Variants in TOM1L2 observed in about 807,000 individuals in gnomAD.
TOM1L2 encodes the protein target of myb1 like 2 membrane trafficking protein.
A neutral mutation model predicts 67.9 loss-of-function variants in TOM1L2; 31 were observed. That is an observed-to-expected ratio of 0.46 (90% confidence interval 0.34 to 0.62). The LOEUF (loss-of-function observed/expected upper bound fraction) is 0.62, where lower values mean the gene tolerates loss of function less well. Ranked by LOEUF, TOM1L2 falls within the 20% of genes least tolerant of loss-of-function variation. The pLI is 0.01. For synonymous variants in TOM1L2, 256 were observed against 254.0 expected (o/e 1.01, Z -0.07); for missense variants, 606 against 663.5 (o/e 0.91, Z 0.95).
At chr17:17,888,822 T>G (rs1439107829) in intron 4 of TOM1L2, among the ~76,000 whole-genome samples, 5 of 152,070 alleles carry the variant, frequency 3.3e-5, no homozygotes, top group Non-Finnish European at 7.4e-5. Flanking sequence ...TGGCATAGAG[T>G]GGGAGCATCC....
intron 12 of TOM1L2, chr17:17,857,704 A>G: frequency 7.3e-7 from 1 of 1,368,132 alleles, no homozygotes; most frequent in Non-Finnish European, 1.0e-6. Flanking sequence ...AGAGGAAGAC[A>G]TGAGCTGTTA....
intron 10 of TOM1L2, chr17:17,863,270 C>A (rs114088267): frequency 5.8e-4 from 98 of 168,630 alleles, no homozygotes; most frequent in African/African-American, 2.2e-3. Flanking sequence ...CTTGAGTAGA[C>A]CAAATTGAAT....
At position 17,882,838 on chromosome 17, in the gene TOM1L2, G is replaced by A. The variant is rs776451196; in HGVS notation, c.527C>T (p.Ala176Val). ...CTGTGATTGGGACCTGGGCATGGTC[G>A]CAGCTGGATCCACTTCAGGGACACT... is the stretch of plus-strand genomic sequence containing the variant. ...QRSVPEVDPA[A>V]TMPRSQSQQR... The change falls in exon 6 of 15, where the codon GCG (alanine) becomes GTG (valine). Residue 176 changes from alanine (A) to valine (V), a missense_variant. Coordinates refer to ENST00000379504, the MANE Select transcript of TOM1L2 (RefSeq NM_001082968.2). 15 of 1,614,042 alleles carry A rather than the reference G, an allele frequency of 9.3e-6. No homozygotes were observed. The highest frequency in any genetic ancestry group is 6.7e-5 in the Admixed American group (4 of 60,008).
At chr17:17,855,838 C>T (rs906815261) in intron 12 of TOM1L2, among the ~76,000 whole-genome samples, 1 of 152,148 alleles carries the variant, frequency 6.6e-6, no homozygotes, top group Non-Finnish European at 1.5e-5. Flanking sequence ...AGTCTAAAAG[C>T]CTTTGATCTC....
intron 10 of TOM1L2, among the ~76,000 whole-genome samples, chr17:17,865,430 G>A (rs960541466): frequency 6.6e-6 from 1 of 152,146 alleles, no homozygotes; most frequent in Non-Finnish European, 1.5e-5. Context: ...AGGCTGGAGT[G>A]CAATGGCGCG....
rs886209868 is a variant in TOM1L2 at position 17,847,639 on chromosome 17, A to G, written c.1520T>C (p.Leu507Pro). The change falls in exon 15 of 15, where the codon CTG becomes CCG. Residue 507 changes from leucine to proline, a missense_variant. Leu to Pro is a moderately conservative substitution (Grantham distance 98). Around this residue, in one of 2 missense-constraint regions of TOM1L2, gnomAD observed 543 missense variants for 554.0 expected, o/e 0.98. Transcript: ENST00000379504. The stretch of plus-strand genomic sequence containing the variant: ...GGAGGCAAACCACAGAGCTGCTCAC[A>G]GGGCGAAGAGGGCATCCTCTGACCG... ...PERSEDALFA[L>P] is the part of the protein sequence containing the mutation. The G allele has an allele frequency of 1.9e-6, 3 of 1,608,318 alleles. No homozygotes were observed. Among genetic ancestry groups the G allele is most frequent in the African/African-American group, 1.3e-5 (1 of 74,784 alleles).
intron 10 of TOM1L2, 117 bp downstream of exon 10, chr17:17,866,179 C>T: frequency 7.9e-7 from 1 of 1,261,028 alleles, no homozygotes. Context: ...AATACACTTT[C>T]ACATGTATTT....
intron 4 of TOM1L2, among the ~76,000 whole-genome samples, chr17:17,891,776 C>T (rs1446330323): frequency 6.9e-6 from 1 of 144,116 alleles, no homozygotes; most frequent in Non-Finnish European, 1.5e-5. Context: ...AGGTAAAGTG[C>T]ATGCACACGT....
chr17:17,956,479 T>TC (rs2041452793), intron 1 of TOM1L2, among the ~76,000 whole-genome samples: 1 of 152,194 alleles, frequency 6.6e-6, no homozygotes, highest in Non-Finnish European at 1.5e-5. Context: ...TGCCTGCCAG[T>TC]CCCTGGCAGT....
chr17:17,971,210 C>A (rs1469553220), intron 1 of TOM1L2, among the ~76,000 whole-genome samples: 1 of 152,124 alleles, frequency 6.6e-6, no homozygotes, highest in Non-Finnish European at 1.5e-5. Context: ...AGTCAATGTG[C>A]AGAGTACTAC....
intron 3 of TOM1L2, among the ~76,000 whole-genome samples, chr17:17,896,394 A>T (rs2144262340): frequency 6.6e-6 from 1 of 152,110 alleles, no homozygotes; most frequent in East Asian, 1.9e-4. Context: ...CTGGGGCTCC[A>T]CTCCACTCTC....
intron 10 of TOM1L2, among the ~76,000 whole-genome samples, chr17:17,866,091 A>G (rs2036834058): frequency 6.6e-6 from 1 of 152,100 alleles, no homozygotes. Context: ...GCTTTCCAAC[A>G]TAGATTTTAA....
chr17:17,930,865 C>G (rs901209121), intron 1 of TOM1L2, among the ~76,000 whole-genome samples: 7 of 152,190 alleles, frequency 4.6e-5, no homozygotes, highest in African/African-American at 1.7e-4. Context: ...TGAGTTTCCA[C>G]AGTCCTTCCT....
intron 10 of TOM1L2, chr17:17,863,385 G>T: frequency 6.4e-6 from 1 of 155,076 alleles, no homozygotes; most frequent in Non-Finnish European, 1.5e-5. Context: ...CACAACAGTG[G>T]GTCTGTAAGG....
intron 7 of TOM1L2, among the ~76,000 whole-genome samples, chr17:17,870,211 C>T (rs1267150772): frequency 6.6e-6 from 1 of 152,138 alleles, no homozygotes; most frequent in Non-Finnish European, 1.5e-5. Context: ...AGAGGAAATT[C>T]GCACACCCCC....
chr17:17,867,019 C>G, intron 8 of TOM1L2, 95 bp from the exon 9 acceptor site: 2 of 1,165,426 alleles, frequency 1.7e-6, no homozygotes, highest in South Asian at 1.2e-5. Flanking sequence ...TCCCTGGGAC[C>G]AAGACCAGCC....
chr17:17,957,738 TAC>T (rs779887079), intron 1 of TOM1L2, among the ~76,000 whole-genome samples: 11 of 151,694 alleles, frequency 7.3e-5, no homozygotes, highest in South Asian at 4.2e-4. Context: ...TCACAGGCTA[TAC>T]ACACACACAC....
At chr17:17,955,339 T>G (rs970321534) in intron 1 of TOM1L2, among the ~76,000 whole-genome samples, 29 of 148,916 alleles carry the variant, frequency 1.9e-4, no homozygotes, top group South Asian at 1.5e-3. Context: ...TTTTTTTTTT[T>G]TTTTTTTTTT....
rs1398869642 is a variant in TOM1L2, at chr17:17,862,805, C to T, written c.1128G>A (p.Gln376=). The T allele has an allele frequency of 6.2e-7, 1 of 1,614,064 alleles. No individual in the cohort carries two copies. Among genetic ancestry groups the T allele is most frequent in the Non-Finnish European group, 8.5e-7 (1 of 1,180,048 alleles). The change falls in exon 11 of 15, where the codon CAG becomes CAA. Residue 376 remains glutamine, a synonymous_variant. Coordinates refer to ENST00000379504, the MANE Select transcript of TOM1L2 (RefSeq NM_001082968.2). ...CAAAGCCGTCACGGGGATTACATTG[C>T]TGGAGTGAACTGAGGGTGCCACTGA... ...ESVSGTLSSL[Q]QCNPRDGFDM... is the part of the protein sequence containing the mutation.
Sources: allele counts gnomAD v4.1 joint callset (sites outside exome capture counted in the v4.1 genomes callset), GRCh38; gene constraint gnomAD v4.1.1; regional missense constraint gnomAD v4.1.1; transcripts MANE v1.5; gene names NCBI Gene and HGNC (gene_info 2026-07-23, HGNC 2026-07-21).